The following TSPAN1 variants were observed in gnomAD, a reference collection of about 807,000 sequenced individuals.
TSPAN1 encodes tetraspanin-1.
In TSPAN1, 23 loss-of-function variants were observed where a neutral mutation model predicts 26.9. The observed-to-expected ratio is 0.85, with a 90% confidence interval of 0.62 to 1.21. TSPAN1 has a LOEUF of 1.21. Among genes scored for constraint, TSPAN1 ranks in the 50% most tolerant of loss-of-function variants. The probability of loss-of-function intolerance (pLI) is 0.00; values close to 1 mark genes in which losing one functional copy is unlikely to be tolerated. For synonymous variants in TSPAN1, 115 were observed against 114.8 expected, an observed-to-expected ratio of 1.00 and a Z score of -0.01; for missense variants, 283 against 298.4, an observed-to-expected ratio of 0.95 and a Z score of 0.38.
downstream of TSPAN1, chr1:46,190,050 A>G (rs1404879034): frequency 5.0e-6 from 8 of 1,591,308 alleles, no homozygotes; most frequent in Admixed American, 1.0e-4. Flanking sequence ...TGTGTCCCAC[A>G]GGACCCTGTA....
rs1181831147 is a variant in TSPAN1, at chr1:46,180,757, T to C, written c.-9+99T>C. On this transcript the variant is annotated intron_variant, in intron 2 of 8. Transcript: ENST00000372003. ...CTCTAGTGAGGGTTCTGGGAGGGTCTGGGGTTAGTGTGGGGGGGAGCACAG... is the reference window on the plus strand; with the variant it reads ...CTCTAGTGAGGGTTCTGGGAGGGTCCGGGGTTAGTGTGGGGGGGAGCACAG... 9.7e-6 allele frequency: 3 copies of C among 310,222 alleles called. No individual in the cohort carries two copies. The East Asian group carries it at 2.2e-4, about 22-fold the overall frequency. The allele number at this position is 310,222 out of a possible 1,614,324, so 19.2% of individuals were successfully genotyped here.
At chr1:46,193,477 G>T in the TSPAN1 span, 1 of 1,610,942 alleles carries the variant, frequency 6.2e-7, no homozygotes, top group Admixed American at 1.7e-5. Flanking sequence ...CACAGCCCTT[G>T]CCTGGGCGGT....
chr1:46,192,128 G>A, the TSPAN1 span: 15 of 1,614,020 alleles, frequency 9.3e-6, no homozygotes, highest in African/African-American at 4.0e-5. Flanking sequence ...TGAGGCCGAC[G>A]ATGCCAAAGT....
chr1:46,185,173 G>A, intron 7 of TSPAN1, 52 bp from the exon 8 acceptor site: 1 of 1,614,148 alleles, frequency 6.2e-7, no homozygotes, highest in Non-Finnish European at 8.5e-7. Context: ...TGGCAAACGG[G>A]GATGGGAGTA....
the TSPAN1 span, chr1:46,193,822 T>G: frequency 1.2e-6 from 2 of 1,613,040 alleles, no homozygotes; most frequent in East Asian, 4.5e-5. Flanking sequence ...ACCCTCCTGT[T>G]CAGTGCTGGG....
rs1364659327 is a variant in TSPAN1 at position 46,185,006 on chromosome 1, C to A, written c.485C>A (p.Pro162His). 6.2e-7 allele frequency: 1 copy of A among 1,614,000 alleles called. No homozygotes were observed. The highest frequency in any genetic ancestry group is 8.5e-7 in the Non-Finnish European group (1 of 1,180,048). Residue 162 changes from proline to histidine, a missense_variant, in exon 7 of 9, where the codon CCC becomes CAC. Coordinates refer to ENST00000372003, the MANE Select transcript of TSPAN1 (RefSeq NM_005727.4). ...FTNYTDFEDSPYFKENSAFPP... is the reference protein window; with the variant it reads ...FTNYTDFEDSHYFKENSAFPP... ...AACTATACGGATTTTGAGGACTCAC[C>A]CTACTTCAAAGAGAACAGTGCCTTT...
chr1:46,185,542 C>G lies in TSPAN1; in HGVS notation c.*9C>G, dbSNP rs1489779213. ...ACTGCAATCTACAATAAGTCCACTT[C>G]TGCCTCTGCCACTACTGCTGCCACA... On this transcript the variant is annotated 3_prime_UTR_variant, in exon 9 of 9. Coordinates refer to ENST00000372003, the MANE Select transcript of TSPAN1 (RefSeq NM_005727.4). 6.2e-7 allele frequency: 1 copy of G among 1,614,018 alleles called. No individual in the cohort carries two copies. Among genetic ancestry groups the G allele is most frequent in the Non-Finnish European group, 8.5e-7 (1 of 1,180,006 alleles).
Position 46,176,113 on chromosome 1 carries a change from G to T in TSPAN1, c.-142+704G>T, listed in dbSNP as rs547694154. On this transcript the variant is annotated intron_variant, in intron 1 of 8. Coordinates refer to ENST00000372003, the MANE Select transcript of TSPAN1 (RefSeq NM_005727.4). ...GATGGTCTCGATCTCCTGACCTTGTGATCTGCCCGCCTTGGCCTCCCAAAG... is the reference window on the plus strand; with the variant it reads ...GATGGTCTCGATCTCCTGACCTTGTTATCTGCCCGCCTTGGCCTCCCAAAG... The T allele has an allele frequency of 3.9e-5, 45 of 1,152,516 alleles. No individual in the cohort carries two copies. The East Asian group carries it at 1.1e-3, about 28-fold the overall frequency. The allele number at this position is 1,152,516 out of a possible 1,614,324, so 71.4% of individuals were successfully genotyped here.
intron 3 of TSPAN1, among the ~76,000 whole-genome samples, chr1:46,183,274 C>T (rs1211480257): frequency 6.6e-6 from 1 of 152,234 alleles, no homozygotes; most frequent in Non-Finnish European, 1.5e-5. Context: ...TAGGGCAGAC[C>T]TCCAGCTCCA....
At position 46,185,053 on chromosome 1, in the gene TSPAN1, AACGTC is replaced by A. The variant is rs766099795; in HGVS notation, c.535_539del (p.Val179GlnfsTer5). 1 of 1,614,136 alleles carries A rather than the reference AACGTC, an allele frequency of 6.2e-7. No individual in the cohort carries two copies. The highest frequency in any genetic ancestry group is 1.7e-5 in the Admixed American group (1 of 60,022). On this transcript the variant is annotated frameshift_variant, in exon 7 of 9. Coordinates refer to ENST00000372003, the MANE Select transcript of TSPAN1 (RefSeq NM_005727.4). LOFTEE classifies it high-confidence loss of function. ...CTTTCCCCCATTCTGTTGCAATGAC[AACGTC>A]ACCAACACAGCCAATGAAACCTGCA...
the TSPAN1 span, chr1:46,192,592 TGA>T: frequency 1.2e-6 from 2 of 1,613,912 alleles, no homozygotes; most frequent in East Asian, 4.5e-5. Context: ...CTCAGGAAAC[TGA>T]GAGAGGCAGG....
At chr1:46,182,059 G>A (rs1657325035) in intron 3 of TSPAN1, among the ~76,000 whole-genome samples, 1 of 151,970 alleles carries the variant, frequency 6.6e-6, no homozygotes, top group Admixed American at 6.6e-5. Context: ...GGGCAAGGGA[G>A]ACAGAGGTCT....
At chr1:46,189,577 G>A (rs975980948), downstream of TSPAN1, 1 of 1,606,390 alleles carries the variant, frequency 6.2e-7, no homozygotes, top group African/African-American at 1.3e-5. Context: ...ACTAGTGAGG[G>A]TGGGATGGAG....
rs41286815 is a variant in TSPAN1 at position 46,184,870 on chromosome 1, C to A, written c.425C>A (p.Thr142Asn). ...GAAGACTTCACTCAAGTGTGGAACA[C>A]CACCATGAAAGGGGTAAGGTTGGCT... ...SQEDFTQVWNTTMKGLKCCGF... is the reference protein window; with the variant it reads ...SQEDFTQVWNNTMKGLKCCGF... Residue 142 changes from threonine (T) to asparagine (N), a missense_variant, in exon 6 of 9, where the codon ACC becomes AAC. Physicochemically the swap from Thr to Asn is moderately conservative, Grantham distance 65. Transcript: ENST00000372003. 266 of 1,614,164 alleles carry A rather than the reference C, an allele frequency of 1.6e-4. No homozygotes were observed. The highest frequency in any genetic ancestry group is 2.2e-4 in the Non-Finnish European group (254 of 1,180,020).
chr1:46,185,587 C>T lies in TSPAN1; in HGVS notation c.*54C>T, dbSNP rs1657413745. The T allele has an allele frequency of 1.9e-6, 3 of 1,588,138 alleles. No individual in the cohort carries two copies. The highest frequency in any genetic ancestry group is 2.6e-6 in the Non-Finnish European group (3 of 1,157,688). On this transcript the variant is annotated 3_prime_UTR_variant, in exon 9 of 9. Transcript: ENST00000372003. ...GCCACATGGGAACTGTGAAGAGGCA[C>T]CCTGGCAAGCAGCAGTGATTGGGGG...
At chr1:46,194,433 T>C in the TSPAN1 span, 15 of 1,614,114 alleles carry the variant, frequency 9.3e-6, no homozygotes, top group South Asian at 1.4e-4. Flanking sequence ...CATGGAGGCA[T>C]GGGGCCAGCA....
At chr1:46,195,838 G>A in the TSPAN1 span, 49 of 1,605,482 alleles carry the variant, frequency 3.1e-5, no homozygotes, top group East Asian at 2.9e-4. Context: ...GCACTCGGCC[G>A]GGCGCTACCA....
intron 3 of TSPAN1, among the ~76,000 whole-genome samples, chr1:46,182,304 C>CAAAAAAAAAAAAAAGAAAAAAAAAAAA: frequency 3.3e-5 from 1 of 30,162 alleles, no homozygotes; most frequent in South Asian, 4.4e-3. Context: ...TAGGGATAAG[C>CAAAAAAAAAAAAAAGAAAAAAAAAAAA]AAAAAAAAAA....
chr1:46,188,837 T>G (rs1324107494), downstream of TSPAN1: 1 of 1,612,724 alleles, frequency 6.2e-7, no homozygotes, highest in Non-Finnish European at 8.5e-7. Flanking sequence ...TGTCCATGGG[T>G]TGGGCACAGC....
Sources: allele counts gnomAD v4.1 joint callset (sites outside exome capture counted in the v4.1 genomes callset), GRCh38; gene constraint gnomAD v4.1.1; transcripts MANE v1.5; gene names NCBI Gene and HGNC (gene_info 2026-07-23, HGNC 2026-07-21).